SULF1: variants seen among roughly 807,000 people sequenced by gnomAD.
SULF1 encodes the protein sulfatase 1.
In SULF1, 46 loss-of-function variants were observed where a neutral mutation model predicts 110.5. The observed-to-expected ratio is 0.42, with a 90% CI of 0.33 to 0.53. The LOEUF is 0.53. SULF1 is among the 20% of genes least tolerant of loss of function. The pLI, the probability that SULF1 is intolerant of heterozygous loss-of-function variation, is 0.12. For missense variants in SULF1, 941 were observed against 1,094.2 expected (o/e 0.86, Z 1.98); for synonymous variants, 371 against 387.1 (o/e 0.96, Z 0.49).
chr8:69,650,802 T>C (rs1812278978), intron 22 of SULF1, among the ~76,000 whole-genome samples: 1 of 152,212 alleles, frequency 6.6e-6, no homozygotes, highest in African/African-American at 2.4e-5. Flanking sequence ...TCATCATTTT[T>C]TGACCACCTC....
chr8:69,540,688 G>A (rs1813796353), intron 3 of SULF1, among the ~76,000 whole-genome samples: 1 of 152,192 alleles, frequency 6.6e-6, no homozygotes, highest in African/African-American at 2.4e-5. Flanking sequence ...ACCATGGTCA[G>A]GAGTGGATGT....
At chr8:69,570,138 C>T (rs1489209761) in intron 5 of SULF1, among the ~76,000 whole-genome samples, 1 of 152,136 alleles carries the variant, frequency 6.6e-6, no homozygotes, top group Non-Finnish European at 1.5e-5. Context: ...AAAAGAATGA[C>T]ATCGACAAAC....
At chr8:69,586,042 C>T (rs1806434485) in intron 6 of SULF1, among the ~76,000 whole-genome samples, 4 of 152,200 alleles carry the variant, frequency 2.6e-5, no homozygotes, top group Non-Finnish European at 5.9e-5. Context: ...ATCAACTTAA[C>T]AAAAGAGCAT....
intron 3 of SULF1, among the ~76,000 whole-genome samples, chr8:69,510,235 T>C (rs1811460807): frequency 6.6e-6 from 1 of 152,182 alleles, no homozygotes; most frequent in African/African-American, 2.4e-5. Flanking sequence ...AAAAGTGAAC[T>C]TGTCTTCTCA....
At chr8:69,599,463 G>A (rs191418438) in intron 8 of SULF1, among the ~76,000 whole-genome samples, 1 of 152,252 alleles carries the variant, frequency 6.6e-6, no homozygotes, top group African/African-American at 2.4e-5. Flanking sequence ...ACTTACTAAT[G>A]TTGTTAATTT....
At chr8:69,644,155 C>G (rs1426581920) in intron 22 of SULF1, among the ~76,000 whole-genome samples, 1 of 152,220 alleles carries the variant, frequency 6.6e-6, no homozygotes, top group Admixed American at 6.5e-5. Context: ...TGACTCATCT[C>G]CCCCATAGTG....
At chr8:69,479,346 A>G in intron 1 of SULF1, among the ~76,000 whole-genome samples, 1 of 152,310 alleles carries the variant, frequency 6.6e-6, no homozygotes, top group South Asian at 2.1e-4. Context: ...CCTGTCCACT[A>G]TCTGCCGCAT....
rs550788866 is a variant in SULF1 at position 69,634,656 on chromosome 8, G to C, written c.2285-3846G>C. ...CTTGCCTGTAGTCCCAGCTACTTGG[G>C]AGGCTGAGGTGGGAGAGTCACTTGA... is the stretch of plus-strand genomic sequence containing the variant. On this transcript the variant is annotated intron_variant, in intron 19 of 22. Coordinates refer to ENST00000402687, the MANE Select transcript of SULF1 (RefSeq NM_001128205.2). Among the ~76,000 whole-genome samples, 14 of 152,228 alleles carry C rather than the reference G, an allele frequency of 9.2e-5. No homozygotes were observed. The East Asian group carries it at 2.5e-3, about 27-fold the overall frequency.
At chr8:69,625,141 CA>C (rs1809903675) in intron 15 of SULF1, among the ~76,000 whole-genome samples, 1 of 152,204 alleles carries the variant, frequency 6.6e-6, no homozygotes, top group African/African-American at 2.4e-5. Context: ...CTCTTTTTAA[CA>C]AAATGAGTGG....
chr8:69,640,131 G>GAAA (rs1219645026), intron 21 of SULF1, among the ~76,000 whole-genome samples: 6 of 148,268 alleles, frequency 4.0e-5, no homozygotes, highest in African/African-American at 1.5e-4. Context: ...AAGGAAGGAA[G>GAAA]AAGGAAGGAA....
intron 1 of SULF1, among the ~76,000 whole-genome samples, chr8:69,468,892 A>G (rs75255789): frequency 0.035 from 5,337 of 152,310 alleles, 269 homozygotes; most frequent in African/African-American, 0.12. Flanking sequence ...GTGCCCCACC[A>G]GCATACATCC....
chr8:69,598,638 C>T lies in SULF1; in HGVS notation c.735-1965C>T, dbSNP rs147151989. Among the ~76,000 whole-genome samples the T allele has an allele frequency of 9.5e-3, 1,447 of 152,218 alleles. 5 individuals carry two copies. The highest frequency in any genetic ancestry group is 0.041 in the Middle Eastern group (12 of 294). On this transcript the variant is annotated intron_variant, in intron 8 of 22. Coordinates refer to ENST00000402687, the MANE Select transcript of SULF1 (RefSeq NM_001128205.2). ...AACTCCTGACCTCAGGTGATTCACCCGCCTGGGCCTTCCAAAATGCTGGGA... is the reference window on the plus strand; with the variant it reads ...AACTCCTGACCTCAGGTGATTCACCTGCCTGGGCCTTCCAAAATGCTGGGA...
intron 19 of SULF1, among the ~76,000 whole-genome samples, chr8:69,634,459 A>G (rs931691843): frequency 3.9e-5 from 6 of 152,156 alleles, no homozygotes; most frequent in African/African-American, 1.4e-4. Context: ...GTCAGAAAGG[A>G]TATGAAAAGT....
intron 22 of SULF1, among the ~76,000 whole-genome samples, chr8:69,641,891 G>T (rs1208434536): frequency 6.6e-6 from 1 of 151,934 alleles, no homozygotes; most frequent in Non-Finnish European, 1.5e-5. Context: ...TGCTCTGGAG[G>T]GGGGACGCAC....
At chr8:69,522,024 G>A (rs1367306333) in intron 3 of SULF1, among the ~76,000 whole-genome samples, 2 of 151,032 alleles carry the variant, frequency 1.3e-5, no homozygotes, top group Non-Finnish European at 3.0e-5. Context: ...CAGAGAGAGA[G>A]ACAGGGAGAG....
chr8:69,590,171 CT>C lies in SULF1; in HGVS notation c.734+1038del, dbSNP rs970756016. ...TAGAGAAGTTTTTATAAAATGTTCTCTTTTTTTTGAGACAGAGTCTTGCTCT... is the reference window on the plus strand; with the variant it reads ...TAGAGAAGTTTTTATAAAATGTTCTCTTTTTTTGAGACAGAGTCTTGCTCT... On this transcript the variant is annotated intron_variant, in intron 8 of 22. Transcript: ENST00000402687. Among the ~76,000 whole-genome samples, 12 of 151,928 alleles carry C rather than the reference CT, an allele frequency of 7.9e-5. No homozygotes were observed. In the South Asian group the frequency reaches 2.1e-3, roughly 26 times the overall value.
chr8:69,522,054 G>A (rs1420978281), intron 3 of SULF1, among the ~76,000 whole-genome samples: 1 of 149,256 alleles, frequency 6.7e-6, no homozygotes, highest in South Asian at 2.1e-4. Context: ...GATCATGGAC[G>A]ATTTTTTTTT....
chr8:69,634,893 C>T (rs952469022), intron 19 of SULF1, among the ~76,000 whole-genome samples: 8 of 152,146 alleles, frequency 5.3e-5, no homozygotes, highest in South Asian at 2.1e-4. Flanking sequence ...CTGCAACCTC[C>T]GCCTCCCGGG....
intron 8 of SULF1, among the ~76,000 whole-genome samples, chr8:69,594,055 A>G (rs1231237073): frequency 6.9e-6 from 1 of 145,500 alleles, no homozygotes; most frequent in Non-Finnish European, 1.5e-5. Context: ...TGTTATTCCA[A>G]TTTTTTTTTT....
Sources: gnomAD v4.1 joint callset for allele counts (sites outside exome capture counted in the v4.1 genomes callset) on GRCh38, gnomAD v4.1.1 for gene constraint, MANE v1.5 for transcripts, NCBI Gene and HGNC (gene_info 2026-07-23, HGNC 2026-07-21) for gene names.